Variants in NKTR observed in about 807,000 individuals in gnomAD.
The protein encoded by NKTR is natural killer cell triggering receptor.
NKTR carries 67 observed loss-of-function variants against 156.3 expected under a neutral mutation model. The ratio of observed to expected loss-of-function variants is 0.43; its 90% CI spans 0.35 to 0.53. NKTR has a LOEUF of 0.53. Among genes scored for constraint, NKTR ranks in the 20% least tolerant of loss-of-function variants. The pLI is 0.01. For synonymous variants in NKTR, 640 were observed against 596.6 expected (o/e 1.07, Z -1.06); for missense variants, 1,604 against 1,730.9 (o/e 0.93, Z 1.30).
chr3:42,630,664 C>T (rs947875623), intron 7 of NKTR, 89 bp downstream of exon 7: 35 of 1,587,658 alleles, frequency 2.2e-5, no homozygotes, highest in Middle Eastern at 1.7e-4. Flanking sequence ...CTCAAGGGAG[C>T]GCTCTTGATG....
At chr3:42,613,282 A>G (rs1707017894) in intron 2 of NKTR, among the ~76,000 whole-genome samples, 1 of 152,176 alleles carries the variant, frequency 6.6e-6, no homozygotes, top group South Asian at 2.1e-4. Flanking sequence ...CAGGCACAAC[A>G]GTATATAGTA....
At chr3:42,605,576 C>G (rs377692886) in intron 2 of NKTR, among the ~76,000 whole-genome samples, 2 of 152,274 alleles carry the variant, frequency 1.3e-5, no homozygotes, top group East Asian at 3.9e-4. Flanking sequence ...GGTTCCAAAG[C>G]TAACAGGACA....
chr3:42,637,794 C>G lies in NKTR; in HGVS notation c.2090C>G (p.Ser697Cys). 2 of 1,613,880 alleles carry G rather than the reference C, an allele frequency of 1.2e-6. No individual in the cohort carries two copies. The highest frequency in any genetic ancestry group is 1.7e-6 in the Non-Finnish European group (2 of 1,179,940). ...TCACCAAGGTCAAGGAGCAGATCTT[C>G]TAGGAGTAGATCTTATTCCAGATCA... Reference protein sequence around the residue: ...ESSPRSRSRSSRSRSYSRSYT... With the variant: ...ESSPRSRSRSCRSRSYSRSYT... Residue 697 changes from serine (S) to cysteine (C), a missense_variant, in exon 13 of 17, where the codon TCT becomes TGT. This residue lies in a region of NKTR where 1,255 missense variants were observed against 1,243.7 expected (regional missense o/e 1.01). Coordinates refer to ENST00000232978, the MANE Select transcript of NKTR (RefSeq NM_005385.4).
Position 42,600,770 on chromosome 3 carries a change from G to A in NKTR, c.-32G>A. The stretch of plus-strand genomic sequence containing the variant: ...TCACGGGGACCCGCTCAGGCTGGAG[G>A]CCAGCCAGGTGAAGAGCTCGCCCGC... On this transcript the variant is annotated 5_prime_UTR_variant, in exon 1 of 17. Transcript: ENST00000232978. 2.7e-6 allele frequency: 1 copy of A among 367,044 alleles called. No homozygotes were observed. Among genetic ancestry groups the A allele is most frequent in the Non-Finnish European group, 4.9e-6 (1 of 203,414 alleles). The allele number at this position is 367,044 out of a possible 1,614,324, so 22.7% of individuals were successfully genotyped here.
intron 8 of NKTR, 73 bp from the exon 9 acceptor site, chr3:42,632,528 G>T: frequency 1.2e-6 from 1 of 850,900 alleles, no homozygotes; most frequent in Non-Finnish European, 1.8e-6. Flanking sequence ...ATGATATTCA[G>T]TAATCACATT....
chr3:42,610,872 G>A (rs956213813), intron 2 of NKTR, among the ~76,000 whole-genome samples: 1 of 152,128 alleles, frequency 6.6e-6, no homozygotes, highest in Admixed American at 6.5e-5. Flanking sequence ...TATATCTAAA[G>A]AATTAATAGC....
At chr3:42,622,801 T>G (rs566151981) in intron 6 of NKTR, among the ~76,000 whole-genome samples, 1 of 152,180 alleles carries the variant, frequency 6.6e-6, no homozygotes, top group South Asian at 2.1e-4. Context: ...ATGTAAAAAT[T>G]GTTTATCCTT....
At chr3:42,634,518 C>G (rs1709205530) in intron 10 of NKTR, 95 bp from the exon 11 acceptor site, 2 of 627,564 alleles carry the variant, frequency 3.2e-6, no homozygotes, top group Non-Finnish European at 5.4e-6. Flanking sequence ...TGGCATGTAT[C>G]TTTGAATTAA....
intron 2 of NKTR, 132 bp from the exon 3 acceptor site, chr3:42,617,438 A>G: frequency 1.8e-6 from 1 of 571,096 alleles, no homozygotes; most frequent in South Asian, 2.3e-5. Context: ...ATGCTTTCCC[A>G]TTACATCTTT....
chr3:42,603,589 G>A (rs1282350234), intron 2 of NKTR, among the ~76,000 whole-genome samples: 7 of 151,380 alleles, frequency 4.6e-5, no homozygotes, highest in Non-Finnish European at 7.4e-5. Context: ...TCTTGAGAAC[G>A]CCGAATCATA....
chr3:42,630,619 C>T (rs746968732), intron 7 of NKTR, 44 bp downstream of exon 7: 1 of 1,612,232 alleles, frequency 6.2e-7, no homozygotes, highest in East Asian at 2.2e-5. Context: ...GTTTGGGTGG[C>T]CAGCCATAAA....
rs762353083 is a variant in NKTR at position 42,637,268 on chromosome 3, A to G, written c.1564A>G (p.Lys522Glu). ...THSSRDSYRS[K>E]SHSQSYSRGS... ...TTCCAGCAGAGACTCATACAGATCAAAATCTCACTCACAGTCTTATTCTAG... is the reference window on the plus strand; with the variant it reads ...TTCCAGCAGAGACTCATACAGATCAGAATCTCACTCACAGTCTTATTCTAG... Residue 522 changes from lysine to glutamate, a missense_variant, in exon 13 of 17, where the codon AAA (lysine) becomes GAA (glutamate). Transcript: ENST00000232978. 42 of 1,613,654 alleles carry G rather than the reference A, an allele frequency of 2.6e-5. No individual in the cohort carries two copies. The highest frequency in any genetic ancestry group is 3.4e-5 in the Non-Finnish European group (40 of 1,179,940).
At chr3:42,613,926 G>A (rs1163707660) in intron 2 of NKTR, among the ~76,000 whole-genome samples, 1 of 152,150 alleles carries the variant, frequency 6.6e-6, no homozygotes, top group African/African-American at 2.4e-5. Flanking sequence ...ACTAACAGTA[G>A]ATTTTAGTCT....
chr3:42,620,498 A>T, intron 5 of NKTR: 2 of 983,670 alleles, frequency 2.0e-6, no homozygotes, highest in Non-Finnish European at 2.4e-6. Context: ...CTTCAGTGTT[A>T]TAATAGTCTT....
intron 2 of NKTR, among the ~76,000 whole-genome samples, chr3:42,609,267 C>G (rs1012410996): frequency 3.9e-5 from 6 of 152,100 alleles, no homozygotes; most frequent in Non-Finnish European, 7.4e-5. Flanking sequence ...GGACAGAGGT[C>G]AAATGTAATG....
At chr3:42,634,500 T>C in intron 10 of NKTR, 113 bp from the exon 11 acceptor site, 1 of 547,810 alleles carries the variant, frequency 1.8e-6, no homozygotes. Context: ...TAAAAAGCTA[T>C]TGCAAAATGG....
In NKTR at chr3:42,635,354, G is replaced by A. The variant is rs752203345; in HGVS notation, c.1151G>A (p.Ser384Asn). 1.1e-5 allele frequency: 17 copies of A among 1,608,774 alleles called. No homozygotes were observed. The highest frequency in any genetic ancestry group is 1.4e-5 in the Non-Finnish European group (17 of 1,177,898). The change falls in exon 12 of 17, where the codon AGT becomes AAT. Residue 384 changes from serine (S) to asparagine (N), a missense_variant. This residue lies in a region of NKTR where 1,255 missense variants were observed against 1,243.7 expected (regional missense o/e 1.01). Coordinates refer to ENST00000232978, the MANE Select transcript of NKTR (RefSeq NM_005385.4). ...AGACCACCTAGTGGAGAAAAATGGA[G>A]TAAAGGAGATAAGTAAGAACTTTGA... The part of the protein sequence containing the change: ...AYRPPSGEKW[S>N]KGDKLSDPCS...
chr3:42,619,131 G>A lies in NKTR; in HGVS notation c.241+4G>A. 1 of 1,600,476 alleles carries A rather than the reference G, an allele frequency of 6.2e-7. No homozygotes were observed. The highest frequency in any genetic ancestry group is 2.2e-5 in the East Asian group (1 of 44,682). ...CAGGGTGGGGACTTCAGTGAAGGTAGAGCTAAAAGTTGTGTTCCTAATAAC... is the reference window on the plus strand; with the variant it reads ...CAGGGTGGGGACTTCAGTGAAGGTAAAGCTAAAAGTTGTGTTCCTAATAAC... On this transcript the variant is annotated splice_donor_region_variant and intron_variant, in intron 4 of 16. Transcript: ENST00000232978.
intron 11 of NKTR, 159 bp from the exon 12 acceptor site, chr3:42,635,057 TAAAAA>T (rs58779310): frequency 0.045 from 12,814 of 285,244 alleles, 3 homozygotes; most frequent in East Asian, 0.1. Flanking sequence ...AGTTAAAAAC[TAAAAA>T]AAAAAAAAAA....
Sources: allele counts gnomAD v4.1 joint callset (sites outside exome capture counted in the v4.1 genomes callset), GRCh38; gene constraint gnomAD v4.1.1; regional missense constraint gnomAD v4.1.1; transcripts MANE v1.5; gene names NCBI Gene and HGNC (gene_info 2026-07-23, HGNC 2026-07-21).